SLFN12: variants seen among roughly 807,000 people sequenced by gnomAD.
SLFN12 encodes the protein schlafen family member 12.
A neutral mutation model predicts 29.1 loss-of-function variants in SLFN12; 25 were observed. The observed-to-expected ratio is 0.86, with a 90% CI of 0.63 to 1.20. The LOEUF (loss-of-function observed/expected upper bound fraction) is 1.20, where lower values mean the gene tolerates loss of function less well. Among genes scored for constraint, SLFN12 ranks in the 50% most tolerant of loss-of-function variants. The pLI is 0.00. For missense variants in SLFN12, 660 were observed against 666.2 expected (o/e 0.99, Z 0.10); for synonymous variants, 257 against 238.7 (o/e 1.08, Z -0.71).
At chr17:35,413,080 A>G (rs1255493356) in intron 3 of SLFN12, among the ~76,000 whole-genome samples, 1 of 151,658 alleles carries the variant, frequency 6.6e-6, no homozygotes, top group African/African-American at 2.4e-5. Flanking sequence ...AAAAAAAAAA[A>G]GGTAAAAACA....
Position 35,411,354 on chromosome 17 carries a change from C to T in SLFN12, c.1721G>A (p.Cys574Tyr), listed in dbSNP as rs1211614348. ...CATTTTCCATCAGGTGAGCCTTCGACAAGATTTAAACATCTTTTTATCATT... is the reference window on the plus strand; with the variant it reads ...CATTTTCCATCAGGTGAGCCTTCGATAAGATTTAAACATCTTTTTATCATT... ...QKNDKKMFKS[C>Y]RRLT is the part of the protein sequence containing the mutation. The change falls in exon 4 of 4, where the codon TGT (cysteine) becomes TAT (tyrosine). Residue 574 changes from cysteine (C) to tyrosine (Y), a missense_variant. Cys to Tyr is a radical substitution (Grantham distance 194, BLOSUM62 -2). Coordinates refer to ENST00000304905, the MANE Select transcript of SLFN12 (RefSeq NM_018042.5). 8 of 1,548,258 alleles carry T rather than the reference C, an allele frequency of 5.2e-6. No homozygotes were observed. Among genetic ancestry groups the T allele is most frequent in the African/African-American group, 1.4e-5 (1 of 72,418 alleles).
chr17:35,418,247 A>T (rs1309611837), intron 3 of SLFN12, among the ~76,000 whole-genome samples: 1 of 152,164 alleles, frequency 6.6e-6, no homozygotes, highest in Non-Finnish European at 1.5e-5. Flanking sequence ...AAGGAAACAT[A>T]ATAGAGATTC....
At chr17:35,431,571 C>T (rs892411608) in intron 1 of SLFN12, among the ~76,000 whole-genome samples, 1 of 152,118 alleles carries the variant, frequency 6.6e-6, no homozygotes, top group African/African-American at 2.4e-5. Flanking sequence ...TCCAGAGCAT[C>T]CCCCTTTAGG....
Position 35,422,265 on chromosome 17 carries a change from C to T in SLFN12, c.764G>A (p.Ser255Asn). 6.2e-7 allele frequency: 1 copy of T among 1,614,102 alleles called. No individual in the cohort carries two copies. Among genetic ancestry groups the T allele is most frequent in the Non-Finnish European group, 8.5e-7 (1 of 1,180,002 alleles). Reference protein sequence around the residue: ...KEIIGFKAEMSDLDDLEREIE... With the variant: ...KEIIGFKAEMNDLDDLEREIE... ...TTCTCTTTCTAAGTCATCGAGGTCACTCATCTCTGCTTTAAAGCCAATTAT... is the reference window on the plus strand; with the variant it reads ...TTCTCTTTCTAAGTCATCGAGGTCATTCATCTCTGCTTTAAAGCCAATTAT... The change falls in exon 2 of 4, where the codon AGT (serine) becomes AAT (asparagine). Residue 255 changes from serine (S) to asparagine (N), a missense_variant. Physicochemically the swap from Ser to Asn is conservative, Grantham distance 46. Coordinates refer to ENST00000304905, the MANE Select transcript of SLFN12 (RefSeq NM_018042.5).
At chr17:35,420,429 C>T (rs1911559747) in intron 2 of SLFN12, 48 bp from the exon 3 acceptor site, 1 of 1,201,566 alleles carries the variant, frequency 8.3e-7, no homozygotes, top group South Asian at 1.2e-5. Context: ...AGGGAGACCC[C>T]AACTAACTAA....
intron 3 of SLFN12, among the ~76,000 whole-genome samples, chr17:35,418,667 A>G (rs998560025): frequency 1.3e-5 from 2 of 149,514 alleles, no homozygotes; most frequent in South Asian, 4.1e-4. Flanking sequence ...CAAAAGTTAT[A>G]CACCGATTTT....
Position 35,423,011 on chromosome 17 carries a change from A to G in SLFN12, c.18T>C (p.Asp6=). Residue 6 remains aspartate, a synonymous_variant, in exon 2 of 4, where the codon GAT becomes GAC. Transcript: ENST00000304905. MNISV[D]LETNYAELVL... ...CCAACTCGGCATAATTCGTTTCCAA[A>G]TCAACACTGATGTTCATTTTCCCAG... 6.2e-7 allele frequency: 1 copy of G among 1,611,008 alleles called. No homozygotes were observed. The highest frequency in any genetic ancestry group is 1.1e-5 in the South Asian group (1 of 90,758).
At chr17:35,415,960 G>T (rs1260082402) in intron 3 of SLFN12, among the ~76,000 whole-genome samples, 1 of 152,138 alleles carries the variant, frequency 6.6e-6, no homozygotes, top group East Asian at 1.9e-4. Context: ...ATTCATTAGG[G>T]AATTAAAAGT....
At chr17:35,413,373 G>A (rs809535) in intron 3 of SLFN12, among the ~76,000 whole-genome samples, 151,997 of 152,186 alleles carry the variant, frequency 1, 75,906 homozygotes, top group Non-Finnish European at 1. Context: ...AAAAAAGAAA[G>A]TTACAGGCCA....
At position 35,411,938 on chromosome 17, in the gene SLFN12, A is replaced by AAAT; in HGVS notation, c.1148-14_1148-12dup. On this transcript the variant is annotated splice_polypyrimidine_tract_variant and intron_variant, in intron 3 of 3. Coordinates refer to ENST00000304905, the MANE Select transcript of SLFN12 (RefSeq NM_018042.5). Reference sequence around the variant, plus strand: ...TCCTTCCTGATAGCCCTGAATAAGGAAATAATAATAATAAATTATAAAACA... The same window carrying AAAT: ...TCCTTCCTGATAGCCCTGAATAAGGAAATAATAATAATAATAAATTATAAAACA... 2.0e-6 allele frequency: 3 copies of AAAT among 1,513,492 alleles called. No homozygotes were observed. Among genetic ancestry groups the AAAT allele is most frequent in the Non-Finnish European group, 2.7e-6 (3 of 1,131,674 alleles). 93.8% of individuals were successfully genotyped at this position (1,513,492 alleles called of 1,614,324 possible). A position where few individuals can be genotyped will look rare whatever the true frequency, so the allele number is the denominator to read the frequency against.
intron 3 of SLFN12, among the ~76,000 whole-genome samples, chr17:35,419,604 A>G (rs1911511673): frequency 2.0e-5 from 3 of 152,172 alleles, no homozygotes; most frequent in Admixed American, 2.0e-4. Context: ...AAGGAGGTCA[A>G]GAGAAGGACA....
At chr17:35,427,805 A>T (rs1212190751) in intron 1 of SLFN12, among the ~76,000 whole-genome samples, 4 of 152,088 alleles carry the variant, frequency 2.6e-5, no homozygotes, top group Non-Finnish European at 5.9e-5. Context: ...TAGAATCTTG[A>T]CTCAGTTATT....
upstream of SLFN12, chr17:35,432,924 G>A (rs1298517440): frequency 6.6e-6 from 1 of 152,166 alleles, no homozygotes; most frequent in Admixed American, 6.5e-5. Flanking sequence ...GTGCTCCCTA[G>A]AAGCTGGATT....
chr17:35,421,179 AGCCTGGGTGACAGAGC>A (rs1292144003), intron 2 of SLFN12, among the ~76,000 whole-genome samples: 5 of 151,462 alleles, frequency 3.3e-5, no homozygotes, highest in East Asian at 1.9e-4. Context: ...ATTGCACTCC[AGCCTGGGTGACAGAGC>A]AAGACTCCGT....
rs1251664691 is a variant in SLFN12 at position 35,411,051 on chromosome 17, G to A, written c.*287C>T. 4.8e-6 allele frequency: 1 copy of A among 208,324 alleles called. No homozygotes were observed. The highest frequency in any genetic ancestry group is 9.5e-6 in the Non-Finnish European group (1 of 105,180). The allele number at this position is 208,324 out of a possible 1,614,324, so 12.9% of individuals were successfully genotyped here. A position where few individuals can be genotyped will look rare whatever the true frequency, so the allele number is the denominator to read the frequency against. ...TTCACTGTTGTCATTAAGAATAAAA[G>A]TGTTGCAATTTTCCCAGTTCAAGCA... is the stretch of plus-strand genomic sequence containing the variant. On this transcript the variant is annotated 3_prime_UTR_variant, in exon 4 of 4. Coordinates refer to ENST00000304905, the MANE Select transcript of SLFN12 (RefSeq NM_018042.5).
In SLFN12 at chr17:35,411,569, A is replaced by G; in HGVS notation, c.1506T>C (p.Pro502=). 1 of 1,614,124 alleles carries G rather than the reference A, an allele frequency of 6.2e-7. No homozygotes were observed. Among genetic ancestry groups the G allele is most frequent in the Non-Finnish European group, 8.5e-7 (1 of 1,180,012 alleles). ...CVMTKIFYLS[P]EGMTSCQYDL... is the part of the protein sequence containing the mutation. ...CATACTGGCAGCTTGTCATGCCTTC[A>G]GGGCTCAAGTAGAAGATCTTTGTCA... The change falls in exon 4 of 4, where the codon CCT becomes CCC. Residue 502 remains proline (P), a synonymous_variant. Coordinates refer to ENST00000304905, the MANE Select transcript of SLFN12 (RefSeq NM_018042.5).
At chr17:35,428,582 C>G (rs185820574) in intron 1 of SLFN12, among the ~76,000 whole-genome samples, 8 of 152,116 alleles carry the variant, frequency 5.3e-5, no homozygotes, top group Admixed American at 5.2e-4. Context: ...GATATTGGAC[C>G]TAGCATTCAT....
In SLFN12 at chr17:35,411,351, C is replaced by A; in HGVS notation, c.1724G>T (p.Arg575Leu). Reference protein sequence around the residue: ...KNDKKMFKSCRRLT With the variant: ...KNDKKMFKSCLRLT ...GTCCATTTTCCATCAGGTGAGCCTTCGACAAGATTTAAACATCTTTTTATC... is the reference window on the plus strand; with the variant it reads ...GTCCATTTTCCATCAGGTGAGCCTTAGACAAGATTTAAACATCTTTTTATC... Residue 575 changes from arginine to leucine, a missense_variant, in exon 4 of 4, where the codon CGA becomes CTA. Transcript: ENST00000304905. 1 of 1,542,230 alleles carries A rather than the reference C, an allele frequency of 6.5e-7. No individual in the cohort carries two copies. The highest frequency in any genetic ancestry group is 1.3e-5 in the South Asian group (1 of 79,368).
chr17:35,411,443 C>A lies in SLFN12; in HGVS notation c.1632G>T (p.Leu544=). Residue 544 remains leucine, a synonymous_variant, in exon 4 of 4, where the codon CTG becomes CTT. Transcript: ENST00000304905. ...LFKALKRLKS[L]RDQFSFAENL... is the part of the protein sequence containing the mutation. ...TTTCTGCAAAGGAAAACTGGTCTCT[C>A]AGAGACTTGAGTCTCTTTAAGGCTT... 1 of 1,613,170 alleles carries A rather than the reference C, an allele frequency of 6.2e-7. No individual in the cohort carries two copies. The highest frequency in any genetic ancestry group is 1.7e-5 in the Admixed American group (1 of 59,892).
Sources: gnomAD v4.1 joint callset for allele counts (sites outside exome capture counted in the v4.1 genomes callset) on GRCh38, gnomAD v4.1.1 for gene constraint, MANE v1.5 for transcripts, NCBI Gene and HGNC (gene_info 2026-07-23, HGNC 2026-07-21) for gene names.